Variants in SNX31 observed in about 807,000 individuals in gnomAD.
SNX31 encodes the protein sorting nexin-31.
A neutral mutation model predicts 65.4 loss-of-function variants in SNX31; 58 were observed. The observed-to-expected ratio is 0.89, with a 90% CI of 0.72 to 1.10. SNX31 has a LOEUF of 1.10. Among genes scored for constraint, SNX31 ranks in the 50% least tolerant of loss-of-function variants. SNX31 has a pLI of 0.00. For synonymous variants in SNX31, 181 were observed against 190.1 expected, an observed-to-expected ratio of 0.95 and a Z score of 0.39; for missense variants, 523 against 529.7, an observed-to-expected ratio of 0.99 and a Z score of 0.12.
At chr8:100,591,380 T>C (rs981011468) in intron 10 of SNX31, among the ~76,000 whole-genome samples, 18 of 151,054 alleles carry the variant, frequency 1.2e-4, no homozygotes, top group East Asian at 5.8e-4. Context: ...TCGTAGCTAC[T>C]CGGGAGGCTG....
At chr8:100,661,849 G>T (rs1421957961) in intron 1 of SNX31, among the ~76,000 whole-genome samples, 1 of 152,036 alleles carries the variant, frequency 6.6e-6, no homozygotes, top group Non-Finnish European at 1.5e-5. Flanking sequence ...TTTTGAGACA[G>T]AATCTTGCTC....
rs1211340687 is a variant in SNX31, at chr8:100,608,483, G to A, written c.681+11C>T. Reference sequence around the variant, plus strand: ...ATCTACGGTGCTGTCTGAGCTCTTGGTGACCCTCACCTGCATGTAGAGCAA... The same window carrying A: ...ATCTACGGTGCTGTCTGAGCTCTTGATGACCCTCACCTGCATGTAGAGCAA... On this transcript the variant is annotated intron_variant, in intron 8 of 13. Coordinates refer to ENST00000311812, the MANE Select transcript of SNX31 (RefSeq NM_152628.4). The A allele has an allele frequency of 1.2e-6, 2 of 1,613,822 alleles. No homozygotes were observed. Among genetic ancestry groups the A allele is most frequent in the African/African-American group, 1.3e-5 (1 of 75,036 alleles).
At chr8:100,592,067 A>T (rs1814637185) in intron 10 of SNX31, among the ~76,000 whole-genome samples, 1 of 152,172 alleles carries the variant, frequency 6.6e-6, no homozygotes, top group Admixed American at 6.5e-5. Context: ...AAACAAACAA[A>T]CAGAAAGCAA....
chr8:100,611,730 A>G (rs1047700873), intron 7 of SNX31, among the ~76,000 whole-genome samples: 28 of 151,844 alleles, frequency 1.8e-4, no homozygotes, highest in African/African-American at 6.8e-4. Flanking sequence ...AATTTTTTTG[A>G]TTTTTAGTGG....
intron 12 of SNX31, among the ~76,000 whole-genome samples, chr8:100,582,987 A>AAAAAGAAAAG (rs529642724): frequency 4.6e-5 from 7 of 152,062 alleles, no homozygotes; most frequent in African/African-American, 1.4e-4. Flanking sequence ...ATCTAAAAAA[A>AAAAAGAAAAG]AAAAGAAAAG....
At chr8:100,633,054 A>G (rs1009410128) in intron 3 of SNX31, among the ~76,000 whole-genome samples, 15 of 151,900 alleles carry the variant, frequency 9.9e-5, no homozygotes, top group Admixed American at 9.8e-4. Context: ...CCTTCCAAGT[A>G]GGTGCAGGCA....
chr8:100,603,818 A>G (rs993049419), intron 8 of SNX31, among the ~76,000 whole-genome samples: 13 of 151,648 alleles, frequency 8.6e-5, no homozygotes, highest in Admixed American at 5.9e-4. Flanking sequence ...TCTCACTGCA[A>G]TCTCCGCCTC....
chr8:100,645,808 G>T (rs2131285844), intron 2 of SNX31, among the ~76,000 whole-genome samples: 1 of 152,114 alleles, frequency 6.6e-6, no homozygotes, highest in East Asian at 1.9e-4. Flanking sequence ...ACAGGGTTTT[G>T]CCATGTTGCC....
chr8:100,640,116 ATTTCTTTTCT>A (rs144951562), intron 2 of SNX31, among the ~76,000 whole-genome samples: 2 of 91,702 alleles, frequency 2.2e-5, no homozygotes, highest in African/African-American at 1.4e-4. Context: ...ACATCAGATA[ATTTCTTTTCT>A]TTTCTTTTCT....
intron 4 of SNX31, among the ~76,000 whole-genome samples, chr8:100,621,068 C>T (rs773545417): frequency 1.3e-5 from 2 of 152,146 alleles, no homozygotes; most frequent in Non-Finnish European, 2.9e-5. Flanking sequence ...TGCTTGAACC[C>T]GGGAGGTGGA....
At chr8:100,584,222 CGAA>C (rs1563514298) in intron 11 of SNX31, 34 bp from the exon 12 acceptor site, 2 of 1,545,134 alleles carry the variant, frequency 1.3e-6, no homozygotes, top group South Asian at 2.4e-5. Flanking sequence ...CTCTTGTAAC[CGAA>C]GAAATCTTCA....
At chr8:100,620,746 G>T (rs1167756908) in intron 4 of SNX31, among the ~76,000 whole-genome samples, 1 of 152,096 alleles carries the variant, frequency 6.6e-6, no homozygotes, top group African/African-American at 2.4e-5. Flanking sequence ...ACTCCATGAG[G>T]CATATACACT....
In SNX31 at chr8:100,596,811, T is replaced by A; in HGVS notation, c.806A>T (p.Tyr269Phe). The change falls in exon 10 of 14, where the codon TAT becomes TTT. Residue 269 changes from tyrosine to phenylalanine, a missense_variant. By Grantham distance (22) the Tyr-to-Phe change is conservative. Transcript: ENST00000311812. ...FLELAREVRH[Y>F]GYLQLDPCTC... ...ACAAGGATCCAGCTGCAGGTATCCATAGTGCCGTACCTCCCGGGCCAGCTC... is the reference window on the plus strand; with the variant it reads ...ACAAGGATCCAGCTGCAGGTATCCAAAGTGCCGTACCTCCCGGGCCAGCTC... The A allele has an allele frequency of 6.2e-7, 1 of 1,613,482 alleles. No individual in the cohort carries two copies.
intron 3 of SNX31, among the ~76,000 whole-genome samples, chr8:100,632,738 C>T (rs1818494116): frequency 6.6e-6 from 1 of 151,736 alleles, no homozygotes; most frequent in Non-Finnish European, 1.5e-5. Flanking sequence ...CACCACTGCA[C>T]CCCAGCCTGG....
rs1817783839 is a variant in SNX31 at position 100,622,716 on chromosome 8, G to T, written c.322-4986C>A. ...AATAAAAATAAAAATAAATTAAATG[G>T]GGGCATTTAAAAATGGAGTGTTGAT... On this transcript the variant is annotated intron_variant, in intron 4 of 13. Transcript: ENST00000311812. The surrounding 1 kb of genome is among the most constrained non-coding windows in gnomAD (Gnocchi z 5.0). 6.6e-6 allele frequency among the ~76,000 whole-genome samples: 1 copy of T among 151,766 alleles called. No individual in the cohort carries two copies. Among genetic ancestry groups the T allele is most frequent in the African/African-American group, 2.4e-5 (1 of 41,340 alleles).
At chr8:100,640,140 T>TTTTC (rs60457437) in intron 2 of SNX31, among the ~76,000 whole-genome samples, 32,432 of 151,898 alleles carry the variant, frequency 0.21, 4,127 homozygotes, top group African/African-American at 0.35. Flanking sequence ...CTTTTCTTTT[T>TTTTC]TTTGGAGACA....
chr8:100,595,596 T>A (rs1815006538), intron 10 of SNX31, among the ~76,000 whole-genome samples: 1 of 152,038 alleles, frequency 6.6e-6, no homozygotes, highest in South Asian at 2.1e-4. Context: ...ATGTGTAGGG[T>A]CAGAGAAAGA....
rs1050177687 is a variant in SNX31 at position 100,609,830 on chromosome 8, C to A, written c.612-1267G>T. 3.3e-5 allele frequency among the ~76,000 whole-genome samples: 5 copies of A among 152,200 alleles called. No homozygotes were observed. The highest frequency in any genetic ancestry group is 9.7e-5 in the African/African-American group (4 of 41,448). ...GTGCAGAGAATAGACCCATCCCAGA[C>A]TGGGGCTCCCACAGGCCAGCACAGG... is the stretch of plus-strand genomic sequence containing the variant. On this transcript the variant is annotated intron_variant, in intron 7 of 13. Transcript: ENST00000311812. This position sits in a 1 kb window ranked among gnomAD's most constrained non-coding sequence, Gnocchi z 4.9.
chr8:100,659,442 G>C (rs576838560), intron 1 of SNX31, among the ~76,000 whole-genome samples: 1 of 151,684 alleles, frequency 6.6e-6, no homozygotes, highest in South Asian at 2.1e-4. Flanking sequence ...ACATTTCTGA[G>C]GCTGTCCCAT....
Sources: gnomAD v4.1 joint callset for allele counts (sites outside exome capture counted in the v4.1 genomes callset) on GRCh38, gnomAD v4.1.1 for gene constraint, Gnocchi (gnomAD v3.1) non-coding constraint, MANE v1.5 for transcripts, NCBI Gene and HGNC (gene_info 2026-07-23, HGNC 2026-07-21) for gene names.